EPHA6: variants seen among roughly 807,000 people sequenced by gnomAD.
EPHA6 encodes the protein EPH receptor A6, also known as ephrin type-A receptor 6.
A neutral mutation model predicts 112.0 loss-of-function variants in EPHA6; 50 were observed. The observed-to-expected ratio is 0.45, with a 90% CI of 0.36 to 0.56. The LOEUF is 0.56. Ranked by LOEUF, EPHA6 falls within the 20% of genes least tolerant of loss-of-function variation. EPHA6 has a pLI of 0.00. For missense variants in EPHA6, 1,280 were observed against 1,417.4 expected, an observed-to-expected ratio of 0.90 and a Z score of 1.56; for synonymous variants, 529 against 490.7, an observed-to-expected ratio of 1.08 and a Z score of -1.03.
At position 96,814,833 on chromosome 3, in the gene EPHA6, T is replaced by G; in HGVS notation, c.210T>G (p.His70Gln). 6.3e-7 allele frequency: 1 copy of G among 1,582,508 alleles called. No individual in the cohort carries two copies. The highest frequency in any genetic ancestry group is 8.6e-7 in the Non-Finnish European group (1 of 1,163,858). Residue 70 changes from histidine to glutamine, a missense_variant, in exon 1 of 18, where the codon CAT becomes CAG. This residue lies in a region of EPHA6 where 220 missense variants were observed against 171.5 expected (regional missense o/e 1.28). Coordinates refer to ENST00000389672, the MANE Select transcript of EPHA6 (RefSeq NM_001080448.3). ...AAGAAGACGTGGACAAGGACCCCCA[T>G]CCTACCCAGAACACCTGCCTGCGCT... ...EEEEDVDKDP[H>Q]PTQNTCLRCR...
intron 3 of EPHA6, among the ~76,000 whole-genome samples, chr3:97,186,482 A>G (rs1161027310): frequency 6.6e-6 from 1 of 152,126 alleles, no homozygotes; most frequent in Non-Finnish European, 1.5e-5. Flanking sequence ...CAGTACCTTG[A>G]TCTTATCAAG....
chr3:97,567,329 C>T (rs1386201751), intron 11 of EPHA6, among the ~76,000 whole-genome samples: 1 of 152,030 alleles, frequency 6.6e-6, no homozygotes, highest in African/African-American at 2.4e-5. Context: ...AAAAATAAAT[C>T]CAGGCCTGCC....
intron 1 of EPHA6, among the ~76,000 whole-genome samples, chr3:96,855,383 C>A (rs553094977): frequency 5.0e-4 from 76 of 152,010 alleles, no homozygotes; most frequent in Non-Finnish European, 9.4e-4. Context: ...TTACGACATC[C>A]AGTTTGCAAA....
At chr3:97,290,824 T>C (rs1576856920) in intron 5 of EPHA6, among the ~76,000 whole-genome samples, 1 of 151,936 alleles carries the variant, frequency 6.6e-6, no homozygotes, top group Non-Finnish European at 1.5e-5. Flanking sequence ...CTTTTTTTTT[T>C]AAACAAAAAA....
chr3:97,446,836 C>T (rs1282992384), intron 6 of EPHA6, among the ~76,000 whole-genome samples: 1 of 152,120 alleles, frequency 6.6e-6, no homozygotes, highest in Non-Finnish European at 1.5e-5. Flanking sequence ...CAAGCTCCTA[C>T]ATTTAATCCC....
chr3:97,037,782 C>G (rs995138533), intron 3 of EPHA6, among the ~76,000 whole-genome samples: 1 of 151,964 alleles, frequency 6.6e-6, no homozygotes, highest in Admixed American at 6.6e-5. Context: ...GGATATATGT[C>G]TAAGCTAATA....
At position 97,751,446 on chromosome 3, in the gene EPHA6, T is replaced by G. The variant is rs1477741396; in HGVS notation, c.*2745T>G. 6.6e-6 allele frequency among the ~76,000 whole-genome samples: 1 copy of G among 152,128 alleles called. No homozygotes were observed. The highest frequency in any genetic ancestry group is 2.4e-5 in the African/African-American group (1 of 41,444). ...GAATGGTAAGCATGATAATCTTAAA[T>G]GTAACTTTGAACTTCATTATGGTTA... On this transcript the variant is annotated 3_prime_UTR_variant, in exon 18 of 18. Coordinates refer to ENST00000389672, the MANE Select transcript of EPHA6 (RefSeq NM_001080448.3).
intron 3 of EPHA6, among the ~76,000 whole-genome samples, chr3:97,037,849 A>G (rs1362028269): frequency 1.3e-5 from 2 of 152,104 alleles, no homozygotes; most frequent in Non-Finnish European, 2.9e-5. Context: ...TTGCAGAAGC[A>G]TTGAATGTTG....
chr3:96,833,126 A>C (rs2107285008), intron 1 of EPHA6, among the ~76,000 whole-genome samples: 1 of 150,514 alleles, frequency 6.6e-6, no homozygotes, highest in African/African-American at 2.4e-5. Context: ...CCTTCTTTGT[A>C]AATAGTGTTA....
In EPHA6 at chr3:96,876,297, A is replaced by G. The variant is rs181033227; in HGVS notation, c.450+9408A>G. Among the ~76,000 whole-genome samples, 4 of 151,900 alleles carry G rather than the reference A, an allele frequency of 2.6e-5. No homozygotes were observed. In the East Asian group the frequency reaches 7.8e-4, roughly 30 times the overall value. On this transcript the variant is annotated intron_variant, in intron 2 of 17. Coordinates refer to ENST00000389672, the MANE Select transcript of EPHA6 (RefSeq NM_001080448.3). ...AGTGATAAATTTACTCTTATTTTCT[A>G]CAGACAACTACCAAATCCTATTGAT... is the stretch of plus-strand genomic sequence containing the variant.
chr3:97,065,837 A>C (rs2046159594), intron 3 of EPHA6, among the ~76,000 whole-genome samples: 2 of 152,022 alleles, frequency 1.3e-5, no homozygotes, highest in African/African-American at 4.8e-5. Context: ...GTAACTCTCT[A>C]AAGTTTAATT....
At chr3:97,264,318 T>C (rs1186577877) in intron 5 of EPHA6, among the ~76,000 whole-genome samples, 1 of 152,098 alleles carries the variant, frequency 6.6e-6, no homozygotes, top group African/African-American at 2.4e-5. Flanking sequence ...GAGCATGGGG[T>C]CCGGCCATTG....
chr3:97,328,007 G>A lies in EPHA6; in HGVS notation c.1607-77143G>A, dbSNP rs1338373794. Among the ~76,000 whole-genome samples the A allele has an allele frequency of 9.2e-4, 109 of 118,516 alleles. 1 individual carries two copies. Among genetic ancestry groups the A allele is most frequent in the African/African-American group, 4.3e-3 (99 of 23,140 alleles). The allele number at this position is 118,516 out of a possible 152,430, so 77.8% of individuals were successfully genotyped here. A position where few individuals can be genotyped will look rare whatever the true frequency, so the allele number is the denominator to read the frequency against. ...TATATATGTATATGTGTATGTATAT[G>A]TATATGTGTATATATGTATATGTGT... is the stretch of plus-strand genomic sequence containing the variant. On this transcript the variant is annotated intron_variant, in intron 5 of 17. Coordinates refer to ENST00000389672, the MANE Select transcript of EPHA6 (RefSeq NM_001080448.3).
Position 97,638,001 on chromosome 3 carries a change from T to C in EPHA6, c.2703T>C (p.Asn901=). Residue 901 remains asparagine, a synonymous_variant, in exon 14 of 18, where the codon AAT becomes AAC. Coordinates refer to ENST00000389672, the MANE Select transcript of EPHA6 (RefSeq NM_001080448.3). ...RDLAARNILV[N]SNLVCKVSDF... Reference sequence around the variant, plus strand: ...TAGCGGCTCGGAATATACTGGTCAATAGCAACTTAGTATGCAAAGTTTCTG... The same window carrying C: ...TAGCGGCTCGGAATATACTGGTCAACAGCAACTTAGTATGCAAAGTTTCTG... 1.2e-6 allele frequency: 2 copies of C among 1,613,962 alleles called. No homozygotes were observed. Among genetic ancestry groups the C allele is most frequent in the East Asian group, 2.2e-5 (1 of 44,868 alleles).
chr3:97,661,750 C>T (rs2094171008), intron 14 of EPHA6, among the ~76,000 whole-genome samples: 1 of 152,120 alleles, frequency 6.6e-6, no homozygotes, highest in East Asian at 1.9e-4. Context: ...CAGTGGTCCT[C>T]CTTAAGCATT....
In EPHA6 at chr3:97,074,621, A is replaced by C. The variant is rs559243042; in HGVS notation, c.1114+86628A>C. On this transcript the variant is annotated intron_variant, in intron 3 of 17. Coordinates refer to ENST00000389672, the MANE Select transcript of EPHA6 (RefSeq NM_001080448.3). Reference sequence around the variant, plus strand: ...AAAATGAATCCAATAGAAACGTTTTAATTTTATACATAAAATTTTGATTTT... The same window carrying C: ...AAAATGAATCCAATAGAAACGTTTTCATTTTATACATAAAATTTTGATTTT... Among the ~76,000 whole-genome samples, 14 of 152,120 alleles carry C rather than the reference A, an allele frequency of 9.2e-5. No individual in the cohort carries two copies. In the East Asian group the frequency reaches 2.7e-3, roughly 29 times the overall value.
At chr3:97,479,493 A>C (rs1577525141) in intron 9 of EPHA6, 129 bp downstream of exon 9, 1 of 522,720 alleles carries the variant, frequency 1.9e-6, no homozygotes, top group African/African-American at 2.0e-5. Flanking sequence ...CAGCATTAAG[A>C]ATTTTCATCT....
intron 3 of EPHA6, among the ~76,000 whole-genome samples, chr3:97,141,362 T>A (rs1387216737): frequency 6.6e-6 from 1 of 152,044 alleles, no homozygotes; most frequent in Non-Finnish European, 1.5e-5. Flanking sequence ...GTTCTACCTA[T>A]CAGCCGCAGA....
intron 15 of EPHA6, among the ~76,000 whole-genome samples, chr3:97,735,061 G>A (rs955263247): frequency 1.3e-5 from 2 of 151,950 alleles, no homozygotes; most frequent in African/African-American, 2.4e-5. Flanking sequence ...GAGCTGCACT[G>A]TTCCATAGAG....
Sources: gnomAD v4.1 joint callset for allele counts (sites outside exome capture counted in the v4.1 genomes callset) on GRCh38, gnomAD v4.1.1 for gene constraint, gnomAD v4.1.1 regional missense constraint, MANE v1.5 for transcripts, NCBI Gene and HGNC (gene_info 2026-07-23, HGNC 2026-07-21) for gene names.